The following ERN1 variants were observed in gnomAD, a reference collection of about 807,000 sequenced individuals.
The protein encoded by ERN1 is endoplasmic reticulum to nucleus signaling 1, also known as serine/threonine-protein kinase/endoribonuclease IRE1.
In ERN1, 39 loss-of-function variants were observed where a neutral mutation model predicts 113.1. The ratio of observed to expected loss-of-function variants is 0.34; its 90% CI spans 0.27 to 0.45. The LOEUF is 0.45. ERN1 is among the 20% of genes least tolerant of loss of function. The pLI is 1.00. For missense variants in ERN1, 976 were observed against 1,274.8 expected (o/e 0.77, Z 3.57); for synonymous variants, 507 against 515.9 (o/e 0.98, Z 0.23).
intron 13 of ERN1, 147 bp downstream of exon 13, chr17:64,055,528 C>T (rs1030619773): frequency 1.0e-5 from 8 of 777,574 alleles, no homozygotes; most frequent in Non-Finnish European, 5.7e-6. Flanking sequence ...CAGAAGCCTT[C>T]CCACAGAGAC....
At chr17:64,124,947 T>C (rs1915042231) in intron 1 of ERN1, among the ~76,000 whole-genome samples, 1 of 152,138 alleles carries the variant, frequency 6.6e-6, no homozygotes, top group Non-Finnish European at 1.5e-5. Flanking sequence ...GAAAGTAGAT[T>C]TGTGGTTGCC....
chr17:64,111,794 C>T (rs1914679184), intron 1 of ERN1, among the ~76,000 whole-genome samples: 1 of 152,010 alleles, frequency 6.6e-6, no homozygotes, highest in African/African-American at 2.4e-5. Flanking sequence ...TCTCTAAACA[C>T]TAAGAAAGCA....
intron 1 of ERN1, among the ~76,000 whole-genome samples, chr17:64,124,473 G>A (rs771378643): frequency 3.2e-4 from 49 of 152,152 alleles, no homozygotes; most frequent in Non-Finnish European, 6.3e-4. Flanking sequence ...TGAATCATGG[G>A]GATGGGTCTT....
chr17:64,125,511 CAG>C (rs1307337010), intron 1 of ERN1, among the ~76,000 whole-genome samples: 3 of 152,236 alleles, frequency 2.0e-5, no homozygotes, highest in Non-Finnish European at 4.4e-5. Flanking sequence ...CTTTTTGAGA[CAG>C]AGTCTCGCTC....
chr17:64,122,914 G>A (rs922730573), intron 1 of ERN1, among the ~76,000 whole-genome samples: 1 of 152,128 alleles, frequency 6.6e-6, no homozygotes, highest in South Asian at 2.1e-4. Flanking sequence ...CACGCCAAAG[G>A]GTGATTATTT....
chr17:64,046,369 ATG>A (rs1912514175), intron 19 of ERN1, among the ~76,000 whole-genome samples: 1 of 152,214 alleles, frequency 6.6e-6, no homozygotes, highest in Non-Finnish European at 1.5e-5. Flanking sequence ...CGAGAGACAT[ATG>A]ACCTGGAGAT....
At position 64,040,486 on chromosome 17, in the gene ERN1, A is replaced by T. The variant is rs951358000; in HGVS notation, c.*3502T>A. ...TGCATGAACGGTTTGATCAGCAACCAATTAATCTCTCACTGCAGCAAGAAA... is the reference window on the plus strand; with the variant it reads ...TGCATGAACGGTTTGATCAGCAACCTATTAATCTCTCACTGCAGCAAGAAA... On this transcript the variant is annotated 3_prime_UTR_variant, in exon 22 of 22. Transcript: ENST00000433197. The T allele has an allele frequency of 5.3e-5, 8 of 152,266 alleles. No homozygotes were observed. Among genetic ancestry groups the T allele is most frequent in the African/African-American group, 1.9e-4 (8 of 41,454 alleles). 9.4% of individuals were successfully genotyped at this position (152,266 alleles called of 1,614,324 possible).
intron 2 of ERN1, among the ~76,000 whole-genome samples, chr17:64,087,222 T>C (rs565146951): frequency 6.6e-6 from 1 of 152,326 alleles, no homozygotes; most frequent in East Asian, 1.9e-4. Context: ...CCTTCCTGCC[T>C]TCTTACCTTC....
rs1442606822 is a variant in ERN1, at chr17:64,042,684, A to C, written c.*1304T>G. 2 of 151,928 alleles carry C rather than the reference A, an allele frequency of 1.3e-5. No individual in the cohort carries two copies. Among genetic ancestry groups the C allele is most frequent in the African/African-American group, 4.9e-5 (2 of 41,210 alleles). The allele number at this position is 151,928 out of a possible 1,614,324, so 9.4% of individuals were successfully genotyped here. A position where few individuals can be genotyped will look rare whatever the true frequency, so the allele number is the denominator to read the frequency against. ...CTAAAAATTATGTTAAGTTTAGAAA[A>C]AAAAATATGGTACAAACAATTTAGA... On this transcript the variant is annotated 3_prime_UTR_variant, in exon 22 of 22. Transcript: ENST00000433197.
At chr17:64,121,644 C>T (rs1036269668) in intron 1 of ERN1, among the ~76,000 whole-genome samples, 5 of 152,206 alleles carry the variant, frequency 3.3e-5, no homozygotes, top group African/African-American at 1.2e-4. Flanking sequence ...TGCCCGCCAC[C>T]ATGCCTGGCT....
At chr17:64,102,241 A>G (rs1277386256) in intron 1 of ERN1, among the ~76,000 whole-genome samples, 22 of 152,196 alleles carry the variant, frequency 1.4e-4, no homozygotes. Flanking sequence ...AGCTAAGATC[A>G]TACCATTGCA....
rs980395426 is a variant in ERN1, at chr17:64,054,615, G to A, written c.1763+123C>T. The A allele has an allele frequency of 5.1e-6, 5 of 986,686 alleles. No individual in the cohort carries two copies. Among genetic ancestry groups the A allele is most frequent in the South Asian group, 1.6e-5 (1 of 60,652 alleles). 61.1% of individuals were successfully genotyped at this position (986,686 alleles called of 1,614,324 possible). A position where few individuals can be genotyped will look rare whatever the true frequency, so the allele number is the denominator to read the frequency against. ...TCAGTGTGCAAGCTCCCTGGAGGCC[G>A]GACTCCATGCGTCTAGGTCACTGCT... On this transcript the variant is annotated intron_variant, in intron 14 of 21. Transcript: ENST00000433197. This position sits in a 1 kb window ranked among gnomAD's most constrained non-coding sequence, Gnocchi z 4.9.
In ERN1 at chr17:64,125,393, T is replaced by G. The variant is rs77066726; in HGVS notation, c.54+4583A>C. Reference sequence around the variant, plus strand: ...ATCCCTATGGCCACAGCAAGATGACTGGCAGGCAAAGCTCGGCTTATTACC... The same window carrying G: ...ATCCCTATGGCCACAGCAAGATGACGGGCAGGCAAAGCTCGGCTTATTACC... On this transcript the variant is annotated intron_variant, in intron 1 of 21. Transcript: ENST00000433197. 7.8e-3 allele frequency among the ~76,000 whole-genome samples: 1,190 copies of G among 152,298 alleles called. 15 individuals carry two copies. Among genetic ancestry groups the G allele is most frequent in the African/African-American group, 0.027 (1,142 of 41,560 alleles).
At chr17:64,053,485 T>A in intron 15 of ERN1, 114 bp from the exon 16 acceptor site, 1 of 579,076 alleles carries the variant, frequency 1.7e-6, no homozygotes, top group Admixed American at 3.8e-5. Flanking sequence ...CTGACAACAT[T>A]CTGTCTAAAT....
intron 1 of ERN1, among the ~76,000 whole-genome samples, chr17:64,115,434 T>G (rs1914779150): frequency 6.6e-6 from 1 of 152,186 alleles, no homozygotes; most frequent in Non-Finnish European, 1.5e-5. Context: ...TCAAGGGGTT[T>G]GCCGTCTAGC....
At chr17:64,089,307 A>C (rs1335521577) in intron 2 of ERN1, among the ~76,000 whole-genome samples, 1 of 132,038 alleles carries the variant, frequency 7.6e-6, no homozygotes, top group Non-Finnish European at 1.6e-5. Context: ...CAAAAGAGTG[A>C]GAATCCATCT....
chr17:64,104,480 T>C (rs1004804557), intron 1 of ERN1, among the ~76,000 whole-genome samples: 1 of 152,140 alleles, frequency 6.6e-6, no homozygotes, highest in African/African-American at 2.4e-5. Context: ...CTTGTCAATT[T>C]CAGACATACA....
chr17:64,121,497 T>TTTGTTG (rs201398058), intron 1 of ERN1, among the ~76,000 whole-genome samples: 1 of 152,098 alleles, frequency 6.6e-6, no homozygotes, highest in African/African-American at 2.4e-5. Flanking sequence ...CAGGCAATTT[T>TTTGTTG]TTGTTGTTGT....
At chr17:64,116,634 A>G (rs1285504336) in intron 1 of ERN1, among the ~76,000 whole-genome samples, 1 of 149,854 alleles carries the variant, frequency 6.7e-6, no homozygotes, top group African/African-American at 2.5e-5. Flanking sequence ...ATGTAATCTT[A>G]TTTAATGTAA....
Sources: allele counts gnomAD v4.1 joint callset (sites outside exome capture counted in the v4.1 genomes callset), GRCh38; gene constraint gnomAD v4.1.1; non-coding constraint Gnocchi (gnomAD v3.1); transcripts MANE v1.5; gene names NCBI Gene and HGNC (gene_info 2026-07-23, HGNC 2026-07-21).